FMN1: variants seen among roughly 807,000 people sequenced by gnomAD.
The protein encoded by FMN1 is formin-1.
In FMN1, 110 loss-of-function variants were observed where a neutral mutation model predicts 132.4. The observed-to-expected ratio is 0.83, with a 90% CI of 0.71 to 0.97. The LOEUF is 0.97. Among genes scored for constraint, FMN1 ranks in the 50% least tolerant of loss-of-function variants. The pLI, the probability that FMN1 is intolerant of heterozygous loss-of-function variation, is 0.00. For missense variants in FMN1, 1,792 were observed against 1,705.3 expected (o/e 1.05, Z -0.90); for synonymous variants, 722 against 651.7 (o/e 1.11, Z -1.64).
intron 7 of FMN1, among the ~76,000 whole-genome samples, chr15:32,997,908 T>G (rs1320431353): frequency 1.3e-5 from 2 of 152,172 alleles, no homozygotes; most frequent in African/African-American, 2.4e-5. Context: ...TAAATGTCCA[T>G]AAATATCTAA....
intron 6 of FMN1, among the ~76,000 whole-genome samples, chr15:33,051,336 T>G (rs2036961986): frequency 6.6e-6 from 1 of 151,970 alleles, no homozygotes; most frequent in African/African-American, 2.4e-5. Context: ...ACATTAAAAA[T>G]GGAAAGAAAA....
chr15:33,017,201 G>A (rs996786686), intron 6 of FMN1, among the ~76,000 whole-genome samples: 1 of 152,048 alleles, frequency 6.6e-6, no homozygotes, highest in South Asian at 2.1e-4. Context: ...GCGACAGGGG[G>A]TTTTTAGGAC....
At chr15:33,038,794 G>C (rs1207142387) in intron 6 of FMN1, among the ~76,000 whole-genome samples, 1 of 152,200 alleles carries the variant, frequency 6.6e-6, no homozygotes, top group Non-Finnish European at 1.5e-5. Context: ...TTGGAAATTG[G>C]ATGGAAGTTC....
intron 4 of FMN1, among the ~76,000 whole-genome samples, chr15:33,120,381 C>A (rs1962435795): frequency 6.6e-6 from 1 of 152,138 alleles, no homozygotes; most frequent in East Asian, 1.9e-4. Flanking sequence ...GATTAGGTTA[C>A]CAGTTGTGCC....
chr15:32,948,349 C>T (rs1379351560), intron 9 of FMN1, among the ~76,000 whole-genome samples: 1 of 151,968 alleles, frequency 6.6e-6, no homozygotes, highest in South Asian at 2.1e-4. Flanking sequence ...ATCTTCATAT[C>T]TATATTTATG....
intron 7 of FMN1, among the ~76,000 whole-genome samples, chr15:32,981,177 AC>A (rs2032624354): frequency 6.6e-6 from 1 of 152,082 alleles, no homozygotes; most frequent in Admixed American, 6.5e-5. Context: ...ATTTTCTGTA[AC>A]TAAAATATTA....
intron 19 of FMN1, among the ~76,000 whole-genome samples, chr15:32,779,241 A>G (rs1449751733): frequency 1.3e-5 from 2 of 152,176 alleles, no homozygotes; most frequent in African/African-American, 4.8e-5. Flanking sequence ...TGAACATACT[A>G]AAAACCACTG....
intron 6 of FMN1, among the ~76,000 whole-genome samples, chr15:33,048,200 T>C (rs2036780331): frequency 6.6e-6 from 1 of 152,192 alleles, no homozygotes; most frequent in Admixed American, 6.5e-5. Context: ...GGTCATAAAC[T>C]GCTTCTTCAG....
chr15:33,158,842 C>T (rs1345586087), intron 3 of FMN1, among the ~76,000 whole-genome samples: 1 of 152,116 alleles, frequency 6.6e-6, no homozygotes, highest in East Asian at 1.9e-4. Context: ...GAAGCGATAG[C>T]CAAAACCAAA....
At chr15:33,103,162 G>A (rs759308770) in intron 4 of FMN1, among the ~76,000 whole-genome samples, 1 of 151,962 alleles carries the variant, frequency 6.6e-6, no homozygotes, top group Non-Finnish European at 1.5e-5. Flanking sequence ...AGAACATCCA[G>A]GTTTTTCAGG....
chr15:33,102,089 T>C (rs237745), intron 4 of FMN1, among the ~76,000 whole-genome samples: 22,113 of 152,096 alleles, frequency 0.15, 1,686 homozygotes, highest in Middle Eastern at 0.19. Context: ...CTTTTGGGTG[T>C]ACTCTGTACA....
At chr15:32,938,088 T>G (rs1312371343) in intron 9 of FMN1, among the ~76,000 whole-genome samples, 1 of 152,126 alleles carries the variant, frequency 6.6e-6, no homozygotes, top group Non-Finnish European at 1.5e-5. Context: ...AGTATACATT[T>G]TGTTGCACTT....
intron 5 of FMN1, among the ~76,000 whole-genome samples, chr15:33,070,895 C>T (rs891064383): frequency 3.9e-5 from 6 of 152,038 alleles, no homozygotes; most frequent in East Asian, 1.9e-4. Flanking sequence ...GCTAGAGAAC[C>T]GAGGCACAGA....
intron 17 of FMN1, among the ~76,000 whole-genome samples, chr15:32,819,173 G>A (rs2058139120): frequency 6.6e-6 from 1 of 152,090 alleles, no homozygotes. Flanking sequence ...CCAGAGCTCC[G>A]AGGAGGGGGA....
chr15:33,079,719 T>C (rs529086861), intron 5 of FMN1, among the ~76,000 whole-genome samples: 5 of 152,356 alleles, frequency 3.3e-5, no homozygotes, highest in African/African-American at 1.2e-4. Flanking sequence ...CAGCAGAAAA[T>C]AGAAATTCTA....
intron 5 of FMN1, chr15:33,068,042 G>T (rs1194494142): frequency 4.2e-6 from 6 of 1,433,170 alleles, no homozygotes; most frequent in Non-Finnish European, 4.5e-6. Context: ...GTCTCTTTCG[G>T]GTCACAGTGC....
At chr15:33,095,933 C>T (rs1414813817) in intron 4 of FMN1, among the ~76,000 whole-genome samples, 2 of 150,946 alleles carry the variant, frequency 1.3e-5, no homozygotes, top group Non-Finnish European at 2.9e-5. Flanking sequence ...TTTTTAAAAA[C>T]TTCCTTTCCA....
rs565574678 is a variant in FMN1, at chr15:32,825,376, T to C, written c.3929-21044A>G. Among the ~76,000 whole-genome samples, 7 of 152,352 alleles carry C rather than the reference T, an allele frequency of 4.6e-5. 1 individual carries two copies. In the South Asian group the frequency reaches 1.4e-3, roughly 32 times the overall value. On this transcript the variant is annotated intron_variant, in intron 17 of 20. Coordinates refer to ENST00000616417, the MANE Select transcript of FMN1 (RefSeq NM_001277313.2). ...TAGTTCTAGTTGTATTCGCCCATCTTAATCTCTCAGTATGCCAAGCTCTCA... is the reference window on the plus strand; with the variant it reads ...TAGTTCTAGTTGTATTCGCCCATCTCAATCTCTCAGTATGCCAAGCTCTCA...
intron 4 of FMN1, among the ~76,000 whole-genome samples, chr15:33,107,241 A>T (rs2039522235): frequency 6.6e-6 from 1 of 151,706 alleles, no homozygotes; most frequent in South Asian, 2.1e-4. Flanking sequence ...CATCATTACC[A>T]CCTCAGTCTA....
Sources: gnomAD v4.1 joint callset for allele counts (sites outside exome capture counted in the v4.1 genomes callset) on GRCh38, gnomAD v4.1.1 for gene constraint, MANE v1.5 for transcripts, NCBI Gene and HGNC (gene_info 2026-07-23, HGNC 2026-07-21) for gene names.